ZNF385D: variants seen among roughly 807,000 people sequenced by gnomAD.
The protein encoded by ZNF385D is zinc finger protein 659.
A neutral mutation model predicts 35.8 loss-of-function variants in ZNF385D; 15 were observed. The observed-to-expected ratio is 0.42, with a 90% CI of 0.28 to 0.64. The LOEUF is 0.64. Ranked by LOEUF, ZNF385D falls within the 30% of genes least tolerant of loss-of-function variation. The pLI, the probability that ZNF385D is intolerant of heterozygous loss-of-function variation, is 0.23. For missense variants in ZNF385D, 474 were observed against 494.6 expected (o/e 0.96, Z 0.39); for synonymous variants, 212 against 186.8 (o/e 1.13, Z -1.10).
At chr3:21,525,927 CAAGT>C in intron 3 of ZNF385D, among the ~76,000 whole-genome samples, 1 of 152,160 alleles carries the variant, frequency 6.6e-6, no homozygotes, top group Non-Finnish European at 1.5e-5. Context: ...CCTAAACCAG[CAAGT>C]GATTTTTTTT....
In ZNF385D at chr3:21,603,492, T is replaced by C. The variant is rs186570452; in HGVS notation, c.166-38808A>G. Among the ~76,000 whole-genome samples the C allele has an allele frequency of 1.7e-3, 255 of 152,360 alleles. 1 individual carries two copies. The highest frequency in any genetic ancestry group is 3.1e-3 in the Non-Finnish European group (210 of 68,036). On this transcript the variant is annotated intron_variant, in intron 2 of 7. Coordinates refer to ENST00000281523, the MANE Select transcript of ZNF385D (RefSeq NM_024697.3). ...GAAGTATCCATCTATAGATATTGGT[T>C]ACATAAGTTATGTTACATCTGTACA...
intron 1 of ZNF385D, among the ~76,000 whole-genome samples, chr3:21,750,109 C>A (rs529662283): frequency 1.3e-5 from 2 of 152,306 alleles, no homozygotes; most frequent in South Asian, 4.1e-4. Flanking sequence ...TTGACTTCTT[C>A]TTATTTAGTG....
At chr3:21,907,330 T>C (rs694512) in intron 3 of ZNF385D, among the ~76,000 whole-genome samples, 31,283 of 152,054 alleles carry the variant, frequency 0.21, 3,254 homozygotes, top group Middle Eastern at 0.3. Context: ...TCTTTACTTC[T>C]ACAATACACA....
At chr3:21,559,111 ACT>A (rs1231377139) in intron 3 of ZNF385D, among the ~76,000 whole-genome samples, 1 of 150,514 alleles carries the variant, frequency 6.6e-6, no homozygotes, top group Non-Finnish European at 1.5e-5. Context: ...GGTTCTTGAC[ACT>A]CTATCCAATT....
chr3:22,367,334 C>T (rs565204964), intron 2 of ZNF385D, among the ~76,000 whole-genome samples: 38 of 152,214 alleles, frequency 2.5e-4, no homozygotes, highest in Middle Eastern at 6.8e-3. Flanking sequence ...CAAATCCAGC[C>T]CGTCTAGTTC....
intron 1 of ZNF385D, among the ~76,000 whole-genome samples, chr3:21,745,144 T>TTCC (rs1317824928): frequency 2.0e-5 from 3 of 152,204 alleles, no homozygotes; most frequent in African/African-American, 7.2e-5. Flanking sequence ...AGCACCCATC[T>TTCC]TCCTGTGGGG....
rs201641568 is a variant in ZNF385D at position 21,413,603 on chromosome 3, T to C, written c.*7611A>G. ...ATATGATCCTTTGCCAAGAGATTGA[T>C]ATTAGATAAAACCCTGGTTATATTT... On this transcript the variant is annotated 3_prime_UTR_variant, in exon 8 of 8. Coordinates refer to ENST00000281523, the MANE Select transcript of ZNF385D (RefSeq NM_024697.3). 6.6e-6 allele frequency: 1 copy of C among 151,934 alleles called. No individual in the cohort carries two copies. The highest frequency in any genetic ancestry group is 1.5e-5 in the Non-Finnish European group (1 of 67,954). The allele number at this position is 151,934 out of a possible 1,614,324, so 9.4% of individuals were successfully genotyped here.
chr3:22,089,842 T>G (rs1482354293), intron 3 of ZNF385D, among the ~76,000 whole-genome samples: 1 of 152,132 alleles, frequency 6.6e-6, no homozygotes, highest in African/African-American at 2.4e-5. Flanking sequence ...CAATTTTTTA[T>G]TTTATTTTAT....
chr3:22,016,501 A>G (rs974630561), intron 3 of ZNF385D, among the ~76,000 whole-genome samples: 7 of 152,122 alleles, frequency 4.6e-5, no homozygotes, highest in African/African-American at 1.4e-4. Context: ...GAGATTAGGT[A>G]TGACTATCTG....
intron 3 of ZNF385D, among the ~76,000 whole-genome samples, chr3:22,105,273 CACTT>C (rs1304848931): frequency 6.6e-6 from 1 of 150,684 alleles, no homozygotes; most frequent in Non-Finnish European, 1.5e-5. Flanking sequence ...ACATTTAACA[CACTT>C]AATTAAACTC....
chr3:22,297,966 A>G (rs555234078), intron 2 of ZNF385D, among the ~76,000 whole-genome samples: 7 of 152,226 alleles, frequency 4.6e-5, no homozygotes, highest in African/African-American at 1.7e-4. Flanking sequence ...GTTTGGGCAC[A>G]GAGAAAATTA....
At chr3:21,635,456 A>G (rs1368280957) in intron 2 of ZNF385D, among the ~76,000 whole-genome samples, 1 of 152,062 alleles carries the variant, frequency 6.6e-6, no homozygotes, top group Non-Finnish European at 1.5e-5. Context: ...AACTTAAGTG[A>G]CCTGGACCAA....
chr3:21,865,855 T>C (rs1209611454), intron 3 of ZNF385D, among the ~76,000 whole-genome samples: 2 of 152,144 alleles, frequency 1.3e-5, no homozygotes, highest in Admixed American at 6.6e-5. Flanking sequence ...TTAAATGCAA[T>C]ATAAATATTG....
chr3:22,049,117 T>C (rs1222607446), intron 3 of ZNF385D, among the ~76,000 whole-genome samples: 4 of 151,748 alleles, frequency 2.6e-5, no homozygotes, highest in Non-Finnish European at 5.9e-5. Flanking sequence ...ACCAACATGG[T>C]GAAACCCCAT....
At chr3:21,550,684 T>C (rs1292895277) in intron 3 of ZNF385D, among the ~76,000 whole-genome samples, 1 of 152,168 alleles carries the variant, frequency 6.6e-6, no homozygotes, top group African/African-American at 2.4e-5. Context: ...AGTTTCACCA[T>C]GTTGGTCAGG....
intron 3 of ZNF385D, among the ~76,000 whole-genome samples, chr3:21,538,066 G>A (rs976686572): frequency 2.0e-5 from 3 of 152,032 alleles, no homozygotes; most frequent in African/African-American, 7.2e-5. Context: ...TGAAATAGGA[G>A]TAAGAATGAC....
At chr3:21,450,958 T>C (rs560336991) in intron 4 of ZNF385D, among the ~76,000 whole-genome samples, 29 of 152,302 alleles carry the variant, frequency 1.9e-4, no homozygotes, top group Admixed American at 4.6e-4. Flanking sequence ...TAACTTAAGT[T>C]GAATAGATCT....
intron 5 of ZNF385D, among the ~76,000 whole-genome samples, chr3:21,433,371 G>A (rs1314426188): frequency 6.6e-6 from 1 of 152,118 alleles, no homozygotes; most frequent in Non-Finnish European, 1.5e-5. Flanking sequence ...TTCTAAAGGG[G>A]AAAAACAAGA....
intron 1 of ZNF385D, among the ~76,000 whole-genome samples, chr3:21,722,674 C>T (rs2068591461): frequency 6.6e-6 from 1 of 152,212 alleles, no homozygotes; most frequent in African/African-American, 2.4e-5. Context: ...CTGAATTCTT[C>T]CCCCAATATG....
Sources: gnomAD v4.1 joint callset for allele counts (sites outside exome capture counted in the v4.1 genomes callset) on GRCh38, gnomAD v4.1.1 for gene constraint, MANE v1.5 for transcripts, NCBI Gene and HGNC (gene_info 2026-07-23, HGNC 2026-07-21) for gene names.